CDC42EP3: variants seen among roughly 807,000 people sequenced by gnomAD.
CDC42EP3 encodes the protein CDC42 effector protein (Rho GTPase binding) 3.
A neutral mutation model predicts 15.5 loss-of-function variants in CDC42EP3; 4 were observed. That is an observed-to-expected ratio of 0.26 (90% CI 0.13 to 0.59). CDC42EP3 has a LOEUF of 0.59. Ranked by LOEUF, CDC42EP3 falls within the 20% of genes least tolerant of loss-of-function variation. The pLI is 0.89. For missense variants in CDC42EP3, 309 were observed against 311.2 expected, an observed-to-expected ratio of 0.99 and a Z score of 0.05; for synonymous variants, 145 against 130.3, an observed-to-expected ratio of 1.11 and a Z score of -0.77.
intron 1 of CDC42EP3, among the ~76,000 whole-genome samples, chr2:37,663,169 A>AAAAC (rs1558342895): frequency 5.9e-5 from 9 of 151,362 alleles, no homozygotes; most frequent in Non-Finnish European, 1.2e-4. Context: ...ACTCGGTCTC[A>AAAAC]AAAACAAAAC....
At chr2:37,649,967 G>A (rs1665612507) in intron 1 of CDC42EP3, among the ~76,000 whole-genome samples, 1 of 152,106 alleles carries the variant, frequency 6.6e-6, no homozygotes, top group African/African-American at 2.4e-5. Flanking sequence ...CTGCATGATG[G>A]GGCATAGGCT....
rs967287640 is a variant in CDC42EP3 at position 37,656,030 on chromosome 2, GC to G, written c.-235-9209del. 3.3e-4 allele frequency among the ~76,000 whole-genome samples: 51 copies of G among 152,324 alleles called. 2 individuals carry two copies. The highest frequency in any genetic ancestry group is 1.2e-3 in the African/African-American group (50 of 41,580). ...TGGAGGGCAAAGTTCCTAGCCATTT[GC>G]CTTTAGGCCACATTCTCAAGTTCTC... On this transcript the variant is annotated intron_variant, in intron 1 of 1. Coordinates refer to ENST00000295324, the MANE Select transcript of CDC42EP3 (RefSeq NM_006449.5).
intron 1 of CDC42EP3, among the ~76,000 whole-genome samples, chr2:37,647,898 C>T (rs2124611262): frequency 6.6e-6 from 1 of 152,180 alleles, no homozygotes; most frequent in South Asian, 2.1e-4. Flanking sequence ...AGATCTTTTC[C>T]CCAGTTGAGC....
At position 37,646,700 on chromosome 2, in the gene CDC42EP3, G is replaced by A. The variant is rs1665494933; in HGVS notation, c.-113C>T. 9.0e-7 allele frequency: 1 copy of A among 1,106,704 alleles called. No individual in the cohort carries two copies. Among genetic ancestry groups the A allele is most frequent in the East Asian group, 2.5e-5 (1 of 40,704 alleles). The allele number at this position is 1,106,704 out of a possible 1,614,324, so 68.6% of individuals were successfully genotyped here. A position where few individuals can be genotyped will look rare whatever the true frequency, so the allele number is the denominator to read the frequency against. ...GGAACTGTCACATCATTTTTCTCAA[G>A]TGGCTTCAGAAGTGGCTTCGAAATG... On this transcript the variant is annotated 5_prime_UTR_variant, in exon 2 of 2. Transcript: ENST00000295324.
At chr2:37,663,265 C>T (rs1457001875) in intron 1 of CDC42EP3, among the ~76,000 whole-genome samples, 2 of 152,242 alleles carry the variant, frequency 1.3e-5, no homozygotes, top group Non-Finnish European at 2.9e-5. Context: ...CAACAACAAA[C>T]ATCCATGGAG....
chr2:37,668,132 T>C (rs553743460), intron 1 of CDC42EP3, among the ~76,000 whole-genome samples: 1 of 152,320 alleles, frequency 6.6e-6, no homozygotes, highest in South Asian at 2.1e-4. Flanking sequence ...TAATAAAAAT[T>C]ACATGAATAT....
At chr2:37,655,628 C>G (rs1030723300) in intron 1 of CDC42EP3, among the ~76,000 whole-genome samples, 2 of 152,150 alleles carry the variant, frequency 1.3e-5, no homozygotes. Context: ...GTACATGGCA[C>G]CAGGGCTGGT....
Position 37,645,413 on chromosome 2 carries a change from T to G in CDC42EP3, c.*410A>C, listed in dbSNP as rs1235555852. On this transcript the variant is annotated 3_prime_UTR_variant, in exon 2 of 2. Transcript: ENST00000295324. ...ATAGAAAAGAGTCTACAAAAAGGCT[T>G]AGGTGTTAAATAAATTTTGACTTCC... 3 of 156,990 alleles carry G rather than the reference T, an allele frequency of 1.9e-5. No individual in the cohort carries two copies. Among genetic ancestry groups the G allele is most frequent in the Admixed American group, 6.4e-5 (1 of 15,704 alleles). 9.7% of individuals were successfully genotyped at this position (156,990 alleles called of 1,614,324 possible). A position where few individuals can be genotyped will look rare whatever the true frequency, so the allele number is the denominator to read the frequency against.
At chr2:37,661,717 A>C (rs1666063163) in intron 1 of CDC42EP3, among the ~76,000 whole-genome samples, 1 of 152,120 alleles carries the variant, frequency 6.6e-6, no homozygotes, top group Non-Finnish European at 1.5e-5. Flanking sequence ...CATCTGACGG[A>C]CTCTGGACAG....
Position 37,643,402 on chromosome 2 carries a change from T to G in CDC42EP3, c.*2421A>C, listed in dbSNP as rs1665333106. ...TTTCCTCTTTCTAATACGGGCATAT[T>G]TATTGCCATCTCAATTATACCTAAT... is the stretch of plus-strand genomic sequence containing the variant. On this transcript the variant is annotated 3_prime_UTR_variant, in exon 2 of 2. Transcript: ENST00000295324. 1.3e-5 allele frequency: 2 copies of G among 152,214 alleles called. No individual in the cohort carries two copies. The highest frequency in any genetic ancestry group is 4.8e-5 in the African/African-American group (2 of 41,438). The allele number at this position is 152,214 out of a possible 1,614,324, so 9.4% of individuals were successfully genotyped here.
chr2:37,665,308 C>T (rs992023240), intron 1 of CDC42EP3, among the ~76,000 whole-genome samples: 1 of 151,940 alleles, frequency 6.6e-6, no homozygotes, highest in African/African-American at 2.4e-5. Context: ...CACCCTCCCA[C>T]TCTGCCATTT....
At chr2:37,658,224 T>C (rs1002545028) in intron 1 of CDC42EP3, among the ~76,000 whole-genome samples, 3 of 152,236 alleles carry the variant, frequency 2.0e-5, no homozygotes, top group Admixed American at 6.5e-5. Context: ...AGTGGGTTCA[T>C]ACAGTCCATG....
At chr2:37,670,021 G>C (rs557412156) in intron 1 of CDC42EP3, among the ~76,000 whole-genome samples, 2 of 152,308 alleles carry the variant, frequency 1.3e-5, no homozygotes, top group East Asian at 1.9e-4. Flanking sequence ...GGGTATGAAA[G>C]AGTAGACTTC....
chr2:37,661,454 G>A (rs544210106), intron 1 of CDC42EP3, among the ~76,000 whole-genome samples: 2 of 152,324 alleles, frequency 1.3e-5, no homozygotes, highest in African/African-American at 4.8e-5. Flanking sequence ...AGATAAACAG[G>A]AGACGTAGAG....
chr2:37,657,000 C>G (rs867154503), intron 1 of CDC42EP3, among the ~76,000 whole-genome samples: 3 of 102,262 alleles, frequency 2.9e-5, no homozygotes, highest in African/African-American at 1.4e-4. Flanking sequence ...ACCCCCCGCC[C>G]CCCGCCATCC....
In CDC42EP3 at chr2:37,646,474, A is replaced by G; in HGVS notation, c.114T>C (p.Phe38=). The G allele has an allele frequency of 6.2e-7, 1 of 1,614,184 alleles. No homozygotes were observed. Among genetic ancestry groups the G allele is most frequent in the African/African-American group, 1.3e-5 (1 of 75,056 alleles). ...PDMISPPLGD[F]RHTIHIGKEG... ...CTTTGCCAATGTGGATGGTGTGGCG[A>G]AAGTCTCCAAGCGGGGGACTGATCA... Residue 38 remains phenylalanine (F), a synonymous_variant, in exon 2 of 2, where the codon TTT becomes TTC. Transcript: ENST00000295324.
rs551799236 is a variant in CDC42EP3, at chr2:37,663,360, A to T, written c.-236+8066T>A. Among the ~76,000 whole-genome samples, 24 of 152,294 alleles carry T rather than the reference A, an allele frequency of 1.6e-4. 2 individuals are homozygous for T. In the South Asian group the frequency reaches 4.8e-3, roughly 30 times the overall value. On this transcript the variant is annotated intron_variant, in intron 1 of 1. Coordinates refer to ENST00000295324, the MANE Select transcript of CDC42EP3 (RefSeq NM_006449.5). ...CTGTGGAGAGACTGACGCTAATATAACAAATAAATAAATGGCTCATGTTTA... is the reference window on the plus strand; with the variant it reads ...CTGTGGAGAGACTGACGCTAATATATCAAATAAATAAATGGCTCATGTTTA...
At chr2:37,670,063 T>G (rs932748027) in intron 1 of CDC42EP3, among the ~76,000 whole-genome samples, 13 of 152,134 alleles carry the variant, frequency 8.5e-5, no homozygotes, top group Non-Finnish European at 1.8e-4. Context: ...AGAAGGTACA[T>G]TTCCTGGTTT....
At chr2:37,671,762 C>G (rs1466150558), upstream of CDC42EP3, 1 of 151,272 alleles carries the variant, frequency 6.6e-6, no homozygotes, top group Non-Finnish European at 1.5e-5. Flanking sequence ...GGGGCCGACC[C>G]TCCCAGCCGC....
Sources: gnomAD v4.1 joint callset for allele counts (sites outside exome capture counted in the v4.1 genomes callset) on GRCh38, gnomAD v4.1.1 for gene constraint, MANE v1.5 for transcripts, NCBI Gene and HGNC (gene_info 2026-07-23, HGNC 2026-07-21) for gene names.